Variants in PRF1 observed in about 807,000 individuals in gnomAD.
PRF1 encodes perforin 1, also known as perforin-1.
In PRF1, 11 loss-of-function variants were observed where a neutral mutation model predicts 11.7. That is an observed-to-expected ratio of 0.94 (90% confidence interval 0.59 to 1.56). PRF1 has a LOEUF of 1.56. Among genes scored for constraint, PRF1 ranks in the 40% most tolerant of loss-of-function variants. The pLI is 0.00. For missense variants in PRF1, 729 were observed against 751.0 expected, an observed-to-expected ratio of 0.97 and a Z score of 0.34; for synonymous variants, 314 against 327.8, an observed-to-expected ratio of 0.96 and a Z score of 0.45.
Position 70,600,484 on chromosome 10 carries a change from G to A in PRF1, c.419C>T (p.Thr140Ile). 6.2e-7 allele frequency: 1 copy of A among 1,614,216 alleles called. No individual in the cohort carries two copies. The highest frequency in any genetic ancestry group is 1.3e-5 in the African/African-American group (1 of 75,054). Residue 140 changes from threonine to isoleucine, a missense_variant, in exon 2 of 3, where the codon ACC becomes ATC. Thr to Ile is a moderately conservative substitution (Grantham distance 89, BLOSUM62 -1). Transcript: ENST00000441259. The surrounding 1 kb of genome is among the most constrained non-coding windows in gnomAD (Gnocchi z 4.9). ...GGCCACAGACACATGCACATTGCTG[G>A]TGGGCTTAGGAGTCACGTCCAGCCC... ...KVGLDVTPKP[T>I]SNVHVSVAGS... is the part of the protein sequence containing the mutation.
chr10:70,600,512 C>T lies in PRF1; in HGVS notation c.391G>A (p.Val131Ile), dbSNP rs761941942. The T allele has an allele frequency of 1.4e-5, 23 of 1,614,072 alleles. No homozygotes were observed. The highest frequency in any genetic ancestry group is 1.2e-4 in the Admixed American group (7 of 60,008). Residue 131 changes from valine to isoleucine, a missense_variant, in exon 2 of 3, where the codon GTC (valine) becomes ATC (isoleucine). Coordinates refer to ENST00000441259, the MANE Select transcript of PRF1 (RefSeq NM_001083116.3). This position sits in a 1 kb window ranked among gnomAD's most constrained non-coding sequence, Gnocchi z 4.9. ...AARSIRNDWK[V>I]GLDVTPKPTS... The stretch of plus-strand genomic sequence containing the variant: ...GGCTTAGGAGTCACGTCCAGCCCGA[C>T]CTTCCAGTCGTTGCGGATGCTACGA...
chr10:70,599,761 G>A (rs556536670), intron 2 of PRF1, among the ~76,000 whole-genome samples: 17 of 152,318 alleles, frequency 1.1e-4, no homozygotes, highest in African/African-American at 4.1e-4. Flanking sequence ...TGGAGGAAAC[G>A]TGGCCCCCAG....
Position 70,600,899 on chromosome 10 carries a change from C to CA in PRF1, c.3_4insT (p.Ala2CysfsTer76), listed in dbSNP as rs756032276. ...ATGCCCAGGAGGAGCAGACGGGCTG[C>CA]CATGGAGCTGCAGAGACAGGGGGCA... On this transcript the variant is annotated frameshift_variant, in exon 2 of 3. Coordinates refer to ENST00000441259, the MANE Select transcript of PRF1 (RefSeq NM_001083116.3). LOFTEE classifies it high-confidence loss of function. This position sits in a 1 kb window ranked among gnomAD's most constrained non-coding sequence, Gnocchi z 4.9. 1.9e-6 allele frequency: 3 copies of CA among 1,584,826 alleles called. No individual in the cohort carries two copies. Among genetic ancestry groups the CA allele is most frequent in the Non-Finnish European group, 2.6e-6 (3 of 1,166,934 alleles).
chr10:70,600,588 A>G lies in PRF1; in HGVS notation c.315T>C (p.His105=), dbSNP rs763303548. 7.4e-6 allele frequency: 12 copies of G among 1,613,678 alleles called. No homozygotes were observed. The highest frequency in any genetic ancestry group is 1.3e-5 in the African/African-American group (1 of 74,928). The stretch of plus-strand genomic sequence containing the variant: ...TGGAGCTGACTTTGGCCCTGGTTAC[A>G]TGGCGCTGGCAGCCAGAGCCCTGGG... ...WRAQGSGCQR[H]VTRAKVSSTE... Residue 105 remains histidine, a synonymous_variant, in exon 2 of 3, where the codon CAT becomes CAC. Coordinates refer to ENST00000441259, the MANE Select transcript of PRF1 (RefSeq NM_001083116.3). The surrounding 1 kb of genome is among the most constrained non-coding windows in gnomAD (Gnocchi z 4.9).
intron 2 of PRF1, 29 bp from the exon 3 acceptor site, chr10:70,599,210 C>T: frequency 1.2e-5 from 20 of 1,613,202 alleles, no homozygotes; most frequent in Admixed American, 1.7e-5. Context: ...CTCAGCTGGG[C>T]CCAGGGGAGT....
chr10:70,598,654 C>T lies in PRF1; in HGVS notation c.1067G>A (p.Arg356Gln), dbSNP rs571015630. The T allele has an allele frequency of 7.4e-6, 12 of 1,613,722 alleles. No homozygotes were observed. Among genetic ancestry groups the T allele is most frequent in the Middle Eastern group, 1.7e-4 (1 of 6,060 alleles). The change falls in exon 3 of 3, where the codon CGG becomes CAG. Residue 356 changes from arginine to glutamine, a missense_variant. Arg to Gln is a conservative substitution (Grantham distance 43, BLOSUM62 1). Coordinates refer to ENST00000441259, the MANE Select transcript of PRF1 (RefSeq NM_001083116.3). ...CAGGGCCCTCCTCAGTGCCTCCCGC[C>T]GCGGGTCCTGGCTGTCCAGCAGCAC... is the stretch of plus-strand genomic sequence containing the variant. Reference protein sequence around the residue: ...LHVLLDSQDPRREALRRALSQ... With the variant: ...LHVLLDSQDPQREALRRALSQ...
At position 70,598,337 on chromosome 10, in the gene PRF1, A is replaced by G; in HGVS notation, c.1384T>C (p.Ser462Pro). Reference protein sequence around the residue: ...TVWDNNNPIWSVRLDFGDVLL... With the variant: ...TVWDNNNPIWPVRLDFGDVLL... Reference sequence around the variant, plus strand: ...ACATCCCCAAAATCCAGCCGCACTGACCAGATGGGGTTGTTATTGTCCCAC... The same window carrying G: ...ACATCCCCAAAATCCAGCCGCACTGGCCAGATGGGGTTGTTATTGTCCCAC... Residue 462 changes from serine to proline, a missense_variant, in exon 3 of 3, where the codon TCA becomes CCA. Physicochemically the swap from Ser to Pro is moderately conservative, Grantham distance 74. Transcript: ENST00000441259. 6.2e-7 allele frequency: 1 copy of G among 1,614,120 alleles called. No individual in the cohort carries two copies. The highest frequency in any genetic ancestry group is 8.5e-7 in the Non-Finnish European group (1 of 1,180,010).
chr10:70,598,842 G>A lies in PRF1; in HGVS notation c.879C>T (p.His293=), dbSNP rs1554867945. The A allele has an allele frequency of 1.9e-6, 3 of 1,614,154 alleles. No homozygotes were observed. The South Asian group carries it at 3.3e-5, about 18-fold the overall frequency. Residue 293 remains histidine (H), a synonymous_variant, in exon 3 of 3, where the codon CAC becomes CAT. Transcript: ENST00000441259. ...KKKHKMTASF[H]QTYRERHSEV... Reference sequence around the variant, plus strand: ...CCGAGTGGCGCTCCCGGTAGGTTTGGTGGAAGGAGGCCGTCATCTTGTGCT... The same window carrying A: ...CCGAGTGGCGCTCCCGGTAGGTTTGATGGAAGGAGGCCGTCATCTTGTGCT...
rs28933374 is a variant in PRF1 at position 70,598,687 on chromosome 10, G to T, written c.1034C>A (p.Pro345His). The stretch of plus-strand genomic sequence containing the variant: ...CTGGCTGTCCAGCAGCACGTGCAGG[G>T]GTTCCAGGGTGTAGTCCACCAGGCC... ...SPGLVDYTLEPLHVLLDSQDP... is the reference protein window; with the variant it reads ...SPGLVDYTLEHLHVLLDSQDP... Residue 345 changes from proline (P) to histidine (H), a missense_variant, in exon 3 of 3, where the codon CCC becomes CAC. Pro to His is a moderately conservative substitution (Grantham distance 77). Transcript: ENST00000441259. 6.2e-7 allele frequency: 1 copy of T among 1,614,100 alleles called. No homozygotes were observed. The highest frequency in any genetic ancestry group is 8.5e-7 in the Non-Finnish European group (1 of 1,180,050).
In PRF1 at chr10:70,598,513, G is replaced by A. The variant is rs755093665; in HGVS notation, c.1208C>T (p.Thr403Ile). ...CTGCCGAGGGCAGCAGTCCTGGGTG[G>A]TGACCGCTGAGCCATGGCACACACA... ...CQCVCHGSAV[T>I]TQDCCPRQRG... is the part of the protein sequence containing the mutation. Residue 403 changes from threonine (T) to isoleucine (I), a missense_variant, in exon 3 of 3, where the codon ACC becomes ATC. Coordinates refer to ENST00000441259, the MANE Select transcript of PRF1 (RefSeq NM_001083116.3). 6.2e-7 allele frequency: 1 copy of A among 1,613,440 alleles called. No homozygotes were observed. Among genetic ancestry groups the A allele is most frequent in the South Asian group, 1.1e-5 (1 of 91,084 alleles).
In PRF1 at chr10:70,597,891, A is replaced by G. The variant is rs1039734140; in HGVS notation, c.*162T>C. ...AAAGAAACTCATAATGTTTTAAGAA[A>G]GTTTGCGAATTTGCGTTGGGCCGCA... On this transcript the variant is annotated 3_prime_UTR_variant, in exon 3 of 3. Transcript: ENST00000441259. 47 of 821,878 alleles carry G rather than the reference A, an allele frequency of 5.7e-5. No individual in the cohort carries two copies. The African/African-American group carries it at 7.8e-4, about 14-fold the overall frequency. The allele number at this position is 821,878 out of a possible 1,614,324, so 50.9% of individuals were successfully genotyped here. A position where few individuals can be genotyped will look rare whatever the true frequency, so the allele number is the denominator to read the frequency against.
At position 70,597,935 on chromosome 10, in the gene PRF1, C is replaced by A; in HGVS notation, c.*118G>T. ...GGCCGCATTCAAAGCCATCCTGGGCCGCATGCGGGCCTCGGGTTGGACAAG... is the reference window on the plus strand; with the variant it reads ...GGCCGCATTCAAAGCCATCCTGGGCAGCATGCGGGCCTCGGGTTGGACAAG... On this transcript the variant is annotated 3_prime_UTR_variant, in exon 3 of 3. Coordinates refer to ENST00000441259, the MANE Select transcript of PRF1 (RefSeq NM_001083116.3). The A allele has an allele frequency of 7.5e-7, 1 of 1,333,958 alleles. No individual in the cohort carries two copies. The highest frequency in any genetic ancestry group is 1.2e-5 in the South Asian group (1 of 81,384). 82.6% of individuals were successfully genotyped at this position (1,333,958 alleles called of 1,614,324 possible).
chr10:70,600,527 G>A lies in PRF1; in HGVS notation c.376C>T (p.Arg126Cys), dbSNP rs34279237. 83 of 1,613,940 alleles carry A rather than the reference G, an allele frequency of 5.1e-5. 1 individual carries two copies. The highest frequency in any genetic ancestry group is 3.6e-4 in the African/African-American group (27 of 75,062). The change falls in exon 2 of 3, where the codon CGC becomes TGC. Residue 126 changes from arginine (R) to cysteine (C), a missense_variant. Physicochemically the swap from Arg to Cys is radical, Grantham distance 180 (BLOSUM62 -3). Coordinates refer to ENST00000441259, the MANE Select transcript of PRF1 (RefSeq NM_001083116.3). This position sits in a 1 kb window ranked among gnomAD's most constrained non-coding sequence, Gnocchi z 4.9. ...AVARDAARSI[R>C]NDWKVGLDVT... Reference sequence around the variant, plus strand: ...TCCAGCCCGACCTTCCAGTCGTTGCGGATGCTACGAGCCGCATCCCGGGCC... The same window carrying A: ...TCCAGCCCGACCTTCCAGTCGTTGCAGATGCTACGAGCCGCATCCCGGGCC...
At position 70,598,698 on chromosome 10, in the gene PRF1, G is replaced by A. The variant is rs1362072680; in HGVS notation, c.1023C>T (p.Tyr341=). ...GCAGCACGTGCAGGGGTTCCAGGGT[G>A]TAGTCCACCAGGCCAGGGCTGCCGG... ...SLPGSPGLVD[Y]TLEPLHVLLD... is the part of the protein sequence containing the mutation. The change falls in exon 3 of 3, where the codon TAC becomes TAT. Residue 341 remains tyrosine (Y), a synonymous_variant. Coordinates refer to ENST00000441259, the MANE Select transcript of PRF1 (RefSeq NM_001083116.3). 19 of 1,614,172 alleles carry A rather than the reference G, an allele frequency of 1.2e-5. No homozygotes were observed. The highest frequency in any genetic ancestry group is 1.4e-5 in the Non-Finnish European group (16 of 1,180,056).
chr10:70,600,487 G>A lies in PRF1; in HGVS notation c.416C>T (p.Pro139Leu). The part of the protein sequence containing the change: ...WKVGLDVTPK[P>L]TSNVHVSVAG... Reference sequence around the variant, plus strand: ...CACAGACACATGCACATTGCTGGTGGGCTTAGGAGTCACGTCCAGCCCGAC... The same window carrying A: ...CACAGACACATGCACATTGCTGGTGAGCTTAGGAGTCACGTCCAGCCCGAC... The change falls in exon 2 of 3, where the codon CCC (proline) becomes CTC (leucine). Residue 139 changes from proline to leucine, a missense_variant. By Grantham distance (98) the Pro-to-Leu change is moderately conservative. Coordinates refer to ENST00000441259, the MANE Select transcript of PRF1 (RefSeq NM_001083116.3). The surrounding 1 kb of genome is among the most constrained non-coding windows in gnomAD (Gnocchi z 4.9). 6.2e-7 allele frequency: 1 copy of A among 1,614,202 alleles called. No individual in the cohort carries two copies. The highest frequency in any genetic ancestry group is 1.1e-5 in the South Asian group (1 of 91,082).
Position 70,597,975 on chromosome 10 carries a change from A to C in PRF1, c.*78T>G. The C allele has an allele frequency of 1.3e-6, 2 of 1,568,824 alleles. No individual in the cohort carries two copies. Among genetic ancestry groups the C allele is most frequent in the Non-Finnish European group, 1.7e-6 (2 of 1,155,628 alleles). ...GGTTGGACAAGCTTGGTCTAATGGG[A>C]ATACGAAGACAGCCCTGGCTCCCAC... is the stretch of plus-strand genomic sequence containing the variant. On this transcript the variant is annotated 3_prime_UTR_variant, in exon 3 of 3. Transcript: ENST00000441259.
In PRF1 at chr10:70,598,105, G is replaced by T. The variant is rs764531237; in HGVS notation, c.1616C>A (p.Pro539His). The T allele has an allele frequency of 6.2e-7, 1 of 1,614,100 alleles. No individual in the cohort carries two copies. Among genetic ancestry groups the T allele is most frequent in the Non-Finnish European group, 8.5e-7 (1 of 1,180,036 alleles). ...LGGGTCLDYV[P>H]QMLLGEPPGN... ...TGGAGGCTCCCCCAGAAGCATTTGG[G>T]GGACATAGTCCAGGCAGGTGCCTCC... is the stretch of plus-strand genomic sequence containing the variant. Residue 539 changes from proline (P) to histidine (H), a missense_variant, in exon 3 of 3, where the codon CCC (proline) becomes CAC (histidine). Coordinates refer to ENST00000441259, the MANE Select transcript of PRF1 (RefSeq NM_001083116.3).
rs758163148 is a variant in PRF1 at position 70,598,180 on chromosome 10, T to C, written c.1541A>G (p.His514Arg). 1 of 1,614,158 alleles carries C rather than the reference T, an allele frequency of 6.2e-7. No homozygotes were observed. Among genetic ancestry groups the C allele is most frequent in the Non-Finnish European group, 8.5e-7 (1 of 1,180,026 alleles). ...GSHEVRCNLN[H>R]GHLKFRYHAR... is the part of the protein sequence containing the mutation. Reference sequence around the variant, plus strand: ...ATGATAGCGGAATTTTAGGTGGCCATGATTCAGGTTGCATCTCACCTCATG... The same window carrying C: ...ATGATAGCGGAATTTTAGGTGGCCACGATTCAGGTTGCATCTCACCTCATG... The change falls in exon 3 of 3, where the codon CAT becomes CGT. Residue 514 changes from histidine (H) to arginine (R), a missense_variant. His to Arg is a conservative substitution (Grantham distance 29, BLOSUM62 0). Transcript: ENST00000441259.
At position 70,598,771 on chromosome 10, in the gene PRF1, CCGAACAG is replaced by C. The variant is rs2132476060; in HGVS notation, c.943_949del (p.Leu315GlyfsTer13). On this transcript the variant is annotated frameshift_variant, in exon 3 of 3. Coordinates refer to ENST00000441259, the MANE Select transcript of PRF1 (RefSeq NM_001083116.3). LOFTEE classifies it low-confidence loss of function (END_TRUNC). ...GTACTGCTCGGGCCCGGCCTGGATC[CCGAACAG>C]CAGGTCGTTAATGGAGGTGTGATGG... 6.2e-7 allele frequency: 1 copy of C among 1,614,240 alleles called. No homozygotes were observed. Among genetic ancestry groups the C allele is most frequent in the South Asian group, 1.1e-5 (1 of 91,082 alleles).
Sources: gnomAD v4.1 joint callset for allele counts (sites outside exome capture counted in the v4.1 genomes callset) on GRCh38, gnomAD v4.1.1 for gene constraint, Gnocchi (gnomAD v3.1) non-coding constraint, MANE v1.5 for transcripts, NCBI Gene and HGNC (gene_info 2026-07-23, HGNC 2026-07-21) for gene names.